XXYLT1: variants seen among roughly 807,000 people sequenced by gnomAD.
The protein encoded by XXYLT1 is UDP-xylose:alpha-xyloside alpha-1,3-xylosyltransferase.
Under a neutral mutation model 28.9 loss-of-function variants are expected in XXYLT1, and 20 were observed. The ratio of observed to expected loss-of-function variants is 0.69; its 90% CI spans 0.49 to 1.00. XXYLT1 has a LOEUF of 1.00. Among genes scored for constraint, XXYLT1 ranks in the 50% least tolerant of loss-of-function variants. XXYLT1 has a pLI of 0.00. For missense variants in XXYLT1, 542 were observed against 560.1 expected, an observed-to-expected ratio of 0.97 and a Z score of 0.33; for synonymous variants, 257 against 253.8, an observed-to-expected ratio of 1.01 and a Z score of -0.12.
chr3:195,102,624 A>G (rs1716853947), intron 3 of XXYLT1, among the ~76,000 whole-genome samples: 5 of 149,962 alleles, frequency 3.3e-5, no homozygotes, highest in Admixed American at 3.3e-4. Flanking sequence ...AAATGGTATG[A>G]CTCCTTCTTT....
chr3:195,079,635 A>G (rs1404229986), intron 3 of XXYLT1, among the ~76,000 whole-genome samples: 1 of 152,142 alleles, frequency 6.6e-6, no homozygotes, highest in Non-Finnish European at 1.5e-5. Flanking sequence ...GAGGTCAGCA[A>G]GGGGAGAATT....
intron 3 of XXYLT1, 103 bp from the exon 4 acceptor site, chr3:195,070,214 A>AT: frequency 1.4e-6 from 2 of 1,419,010 alleles, no homozygotes; most frequent in Non-Finnish European, 1.9e-6. Context: ...ACACTGCCAC[A>AT]TTCCGGGGTG....
intron 2 of XXYLT1, among the ~76,000 whole-genome samples, chr3:195,185,528 T>C (rs1223323726): frequency 1.4e-5 from 2 of 147,590 alleles, no homozygotes; most frequent in Non-Finnish European, 3.0e-5. Context: ...TTTTTCACTT[T>C]GATTTCTGAG....
intron 3 of XXYLT1, among the ~76,000 whole-genome samples, chr3:195,142,218 T>C (rs546331833): frequency 6.6e-6 from 1 of 152,362 alleles, no homozygotes; most frequent in African/African-American, 2.4e-5. Flanking sequence ...ACACTTGTTG[T>C]CCTAGTGCCC....
intron 3 of XXYLT1, among the ~76,000 whole-genome samples, chr3:195,096,362 A>G (rs1716443865): frequency 6.6e-6 from 1 of 152,178 alleles, no homozygotes; most frequent in Non-Finnish European, 1.5e-5. Flanking sequence ...GAGAAACAAC[A>G]TGTGACGCAG....
At chr3:195,127,220 G>C (rs1204299786) in intron 3 of XXYLT1, among the ~76,000 whole-genome samples, 1 of 152,122 alleles carries the variant, frequency 6.6e-6, no homozygotes, top group African/African-American at 2.4e-5. Context: ...CTTAGGAAGG[G>C]AGACACAGCA....
chr3:195,270,881 C>T lies in XXYLT1; in HGVS notation c.178G>A (p.Ala60Thr). The change falls in exon 1 of 4, where the codon GCC (alanine) becomes ACC (threonine). Residue 60 changes from alanine (A) to threonine (T), a missense_variant. Ala to Thr is a moderately conservative substitution (Grantham distance 58, BLOSUM62 0). Transcript: ENST00000310380. Reference sequence around the variant, plus strand: ...GGCGAGGGCGCGGCGGGAGCCCCGGCGCGGGCCTCCTTCAGCCTCTTGGTG... The same window carrying T: ...GGCGAGGGCGCGGCGGGAGCCCCGGTGCGGGCCTCCTTCAGCCTCTTGGTG... ...SATKRLKEARAGAPAAPSPPA... is the reference protein window; with the variant it reads ...SATKRLKEARTGAPAAPSPPA... The T allele has an allele frequency of 1.4e-6, 2 of 1,423,174 alleles. No homozygotes were observed. Among genetic ancestry groups the T allele is most frequent in the Non-Finnish European group, 1.8e-6 (2 of 1,091,940 alleles). 88.2% of individuals were successfully genotyped at this position (1,423,174 alleles called of 1,614,324 possible). A position where few individuals can be genotyped will look rare whatever the true frequency, so the allele number is the denominator to read the frequency against.
chr3:195,235,905 T>C (rs564689747), intron 1 of XXYLT1, among the ~76,000 whole-genome samples: 1 of 128,914 alleles, frequency 7.8e-6, no homozygotes, highest in African/African-American at 3.8e-5. Context: ...GACATAGACA[T>C]AGACATAGAC....
chr3:195,260,448 C>A (rs1725656293), intron 1 of XXYLT1, among the ~76,000 whole-genome samples: 2 of 152,214 alleles, frequency 1.3e-5, no homozygotes, highest in African/African-American at 4.8e-5. Context: ...CACTGACCCC[C>A]CTGGGCAGCC....
intron 1 of XXYLT1, among the ~76,000 whole-genome samples, chr3:195,229,104 G>A (rs1020382603): frequency 6.6e-5 from 10 of 152,154 alleles, no homozygotes; most frequent in Non-Finnish European, 1.2e-4. Context: ...GAGCCACCGC[G>A]CCCGGCCTGT....
chr3:195,120,741 C>T (rs917848735), intron 3 of XXYLT1, among the ~76,000 whole-genome samples: 6 of 152,196 alleles, frequency 3.9e-5, no homozygotes, highest in African/African-American at 9.7e-5. Context: ...TCCGTGGCTC[C>T]GTCACTGAGC....
At chr3:195,097,358 T>TGGCAAATGCGTA (rs1560092423) in intron 3 of XXYLT1, among the ~76,000 whole-genome samples, 1 of 151,672 alleles carries the variant, frequency 6.6e-6, no homozygotes, top group Non-Finnish European at 1.5e-5. Flanking sequence ...TGACGCGGGT[T>TGGCAAATGCGTA]ACAGCAATGG....
intron 3 of XXYLT1, among the ~76,000 whole-genome samples, chr3:195,146,513 T>C (rs1462994349): frequency 1.3e-5 from 2 of 152,214 alleles, no homozygotes; most frequent in African/African-American, 4.8e-5. Context: ...TTCTCTCTAC[T>C]GCATAGCCAA....
intron 2 of XXYLT1, among the ~76,000 whole-genome samples, chr3:195,170,023 G>C (rs1395794177): frequency 5.9e-5 from 9 of 151,608 alleles, no homozygotes; most frequent in Admixed American, 2.6e-4. Context: ...GGCTAATTTT[G>C]TATTTTTAGT....
At position 195,129,580 on chromosome 3, in the gene XXYLT1, C is replaced by A. The variant is rs1468645654; in HGVS notation, c.785+26869G>T. On this transcript the variant is annotated intron_variant, in intron 3 of 3. Transcript: ENST00000310380. The surrounding 1 kb of genome is among the most constrained non-coding windows in gnomAD (Gnocchi z 4.4). ...ATCAATTCTTCATTCCCTCTATGGC[C>A]AAATAACATTTCATCATATTTTGCT... Among the ~76,000 whole-genome samples, 1 of 152,160 alleles carries A rather than the reference C, an allele frequency of 6.6e-6. No homozygotes were observed. Among genetic ancestry groups the A allele is most frequent in the Admixed American group, 6.5e-5 (1 of 15,278 alleles).
intron 1 of XXYLT1, chr3:195,247,672 C>G (rs955056097): frequency 8.4e-6 from 5 of 594,818 alleles, no homozygotes; most frequent in African/African-American, 1.9e-5. Flanking sequence ...CCTCCGACCC[C>G]AGGGCAGGCT....
chr3:195,248,258 G>A (rs1380783719), intron 1 of XXYLT1, among the ~76,000 whole-genome samples: 2 of 152,290 alleles, frequency 1.3e-5, no homozygotes, highest in Non-Finnish European at 1.5e-5. Context: ...CTCAGGAGGG[G>A]CTAAGGAGAA....
intron 3 of XXYLT1, among the ~76,000 whole-genome samples, chr3:195,114,707 G>A (rs1717952953): frequency 1.3e-5 from 2 of 152,212 alleles, no homozygotes; most frequent in African/African-American, 4.8e-5. Flanking sequence ...AAGGCAGCGC[G>A]GCTTTGCCCA....
At position 195,270,641 on chromosome 3, in the gene XXYLT1, G is replaced by A; in HGVS notation, c.418C>T (p.His140Tyr). ...KFEAHEVLNL[H>Y]FVSEEASREV... ...CGGCTGGCCTCCTCGCTCACGAAGT[G>A]AAGGTTAAGCACCTCGTGCGCCTCG... The change falls in exon 1 of 4, where the codon CAC (histidine) becomes TAC (tyrosine). Residue 140 changes from histidine (H) to tyrosine (Y), a missense_variant. Transcript: ENST00000310380. 6.4e-7 allele frequency: 1 copy of A among 1,558,524 alleles called. No homozygotes were observed. The highest frequency in any genetic ancestry group is 1.2e-5 in the South Asian group (1 of 86,724).
Sources: gnomAD v4.1 joint callset for allele counts (sites outside exome capture counted in the v4.1 genomes callset) on GRCh38, gnomAD v4.1.1 for gene constraint, Gnocchi (gnomAD v3.1) non-coding constraint, MANE v1.5 for transcripts, NCBI Gene and HGNC (gene_info 2026-07-23, HGNC 2026-07-21) for gene names.